Variants in LRAT observed in about 807,000 individuals in gnomAD.
LRAT encodes lecithin retinol acyltransferase.
LRAT carries 11 observed loss-of-function variants against 14.2 expected under a neutral mutation model. That is an observed-to-expected ratio of 0.78 (90% CI 0.49 to 1.29). The LOEUF is 1.29. Ranked by LOEUF, LRAT falls within the 50% of genes most tolerant of loss-of-function variation. LRAT has a pLI of 0.00. For synonymous variants in LRAT, 144 were observed against 124.8 expected, an observed-to-expected ratio of 1.15 and a Z score of -1.03; for missense variants, 274 against 292.4, an observed-to-expected ratio of 0.94 and a Z score of 0.46.
At chr4:154,742,420 C>T (rs1010581385), upstream of LRAT, among the ~76,000 whole-genome samples, 2 of 152,044 alleles carry the variant, frequency 1.3e-5, no homozygotes, top group African/African-American at 4.8e-5. Context: ...GCAGCAAAGG[C>T]CCGGCCTCCA....
At position 154,744,625 on chromosome 4, in the gene LRAT, G is replaced by A. The variant is rs1396648864; in HGVS notation, c.299G>A (p.Gly100Asp). The A allele has an allele frequency of 1.5e-5, 24 of 1,614,048 alleles. No individual in the cohort carries two copies. The highest frequency in any genetic ancestry group is 1.8e-5 in the Non-Finnish European group (21 of 1,180,048). Residue 100 changes from glycine to aspartate, a missense_variant, in exon 2 of 3, where the codon GGC becomes GAC. Gly to Asp is a moderately conservative substitution (Grantham distance 94). Coordinates refer to ENST00000336356, the MANE Select transcript of LRAT (RefSeq NM_004744.5). ...GTCTCCAACAAGCGTCTCATCCTGG[G>A]CGTTATTGTCAAAGTGGCCAGCATC... ...KVVSNKRLILGVIVKVASIRV... is the reference protein window; with the variant it reads ...KVVSNKRLILDVIVKVASIRV...
At chr4:154,742,785 CG>C (rs1560869336), upstream of LRAT, among the ~76,000 whole-genome samples, 1 of 151,984 alleles carries the variant, frequency 6.6e-6, no homozygotes, top group African/African-American at 2.4e-5. Context: ...TGCAGGCGCA[CG>C]GGCAAAGAAC....
rs1312666157 is a variant in LRAT, at chr4:154,749,202, T to C, written c.*66T>C. The C allele has an allele frequency of 1.3e-6, 2 of 1,515,316 alleles. No individual in the cohort carries two copies. The highest frequency in any genetic ancestry group is 1.8e-6 in the Non-Finnish European group (2 of 1,091,340). 93.9% of individuals were successfully genotyped at this position (1,515,316 alleles called of 1,614,324 possible). ...TATGTTTATATTTATAGAGCATCAA[T>C]CAATATAAGCATTATTGAGAAAAAT... On this transcript the variant is annotated 3_prime_UTR_variant, in exon 3 of 3. Transcript: ENST00000336356.
chr4:154,748,525 TA>T, intron 2 of LRAT: 2 of 397,430 alleles, frequency 5.0e-6, no homozygotes, highest in African/African-American at 2.2e-5. Context: ...TTGAGACTTA[TA>T]AAAAAGTTAT....
At chr4:154,744,245 TGCCCGGCGAGCTTAACTTGCCCA>T (rs1222945701) in intron 1 of LRAT, 23 bp downstream of exon 1, 9 of 1,450,098 alleles carry the variant, frequency 6.2e-6, no homozygotes, top group East Asian at 2.3e-5. Context: ...GCAGCACCCC[TGCCCGGCGAGCTTAACTTGCCCA>T]GCCCGGCCCC....
rs1733022959 is a variant in LRAT, at chr4:154,752,773, T to C, written c.*3637T>C. The C allele has an allele frequency of 6.6e-6, 1 of 152,224 alleles. No homozygotes were observed. Among genetic ancestry groups the C allele is most frequent in the African/African-American group, 2.4e-5 (1 of 41,456 alleles). 9.4% of individuals were successfully genotyped at this position (152,224 alleles called of 1,614,324 possible). ...AAAATAGATTAACTTGATGACTATG[T>C]GTATATTGGATACTCCTAATTTTAG... is the stretch of plus-strand genomic sequence containing the variant. On this transcript the variant is annotated 3_prime_UTR_variant, in exon 3 of 3. Coordinates refer to ENST00000336356, the MANE Select transcript of LRAT (RefSeq NM_004744.5).
rs1222136986 is a variant in LRAT at position 154,749,125 on chromosome 4, A to C, written c.682A>C (p.Met228Leu). Residue 228 changes from methionine to leucine, a missense_variant, in exon 3 of 3, where the codon ATG (methionine) becomes CTG (leucine). Met to Leu is a conservative substitution (Grantham distance 15, BLOSUM62 2). Transcript: ENST00000336356. ...AATTTTTATTCCATTCTTCCTATGG[A>C]TGGCTGGCTAACTTCATACCCCCAT... ...PAIFIPFFLW[M>L]AG is the part of the protein sequence containing the mutation. 6.2e-7 allele frequency: 1 copy of C among 1,613,628 alleles called. No individual in the cohort carries two copies. Among genetic ancestry groups the C allele is most frequent in the East Asian group, 2.2e-5 (1 of 44,856 alleles).
rs201300725 is a variant in LRAT, at chr4:154,744,734, G to C, written c.408G>C (p.Leu136=). Residue 136 remains leucine, a synonymous_variant, in exon 2 of 3, where the codon CTG becomes CTC. Transcript: ENST00000336356. The part of the protein sequence containing the change: ...HLDESLQKKA[L]LNEEVARRAE... ...ACGAGTCCCTCCAGAAAAAGGCACT[G>C]CTCAACGAGGAGGTGGCGCGGAGGG... 1 of 1,614,194 alleles carries C rather than the reference G, an allele frequency of 6.2e-7. No individual in the cohort carries two copies.
upstream of LRAT, among the ~76,000 whole-genome samples, chr4:154,741,664 C>T (rs182964259): frequency 6.6e-6 from 1 of 152,144 alleles, no homozygotes; most frequent in African/African-American, 2.4e-5. Context: ...TGGACCCCAC[C>T]GGGGGAAAAA....
rs760244398 is a variant in LRAT at position 154,751,733 on chromosome 4, CAAAAAAAAAAAAAAAAAAA to C, written c.*2610_*2628del. The C allele has an allele frequency of 4.2e-5, 1 of 23,842 alleles. No homozygotes were observed. The highest frequency in any genetic ancestry group is 1.3e-4 in the African/African-American group (1 of 7,742). 1.5% of individuals were successfully genotyped at this position (23,842 alleles called of 1,614,324 possible). ...TGGGCAACAAAGTGAGACTCCATCT[CAAAAAAAAAAAAAAAAAAA>C]AAAAAAAAAAAAGAAGAAGAAACCC... On this transcript the variant is annotated 3_prime_UTR_variant, in exon 3 of 3. Coordinates refer to ENST00000336356, the MANE Select transcript of LRAT (RefSeq NM_004744.5).
rs760244398 is a variant in LRAT, at chr4:154,751,733, C to CAAAAAAAAAAAA, written c.*2617_*2628dup. 1.7e-4 allele frequency: 4 copies of CAAAAAAAAAAAA among 23,850 alleles called. No individual in the cohort carries two copies. Among genetic ancestry groups the CAAAAAAAAAAAA allele is most frequent in the Non-Finnish European group, 1.6e-4 (2 of 12,626 alleles). 1.5% of individuals were successfully genotyped at this position (23,850 alleles called of 1,614,324 possible). ...TGGGCAACAAAGTGAGACTCCATCTCAAAAAAAAAAAAAAAAAAAAAAAAA... is the reference window on the plus strand; with the variant it reads ...TGGGCAACAAAGTGAGACTCCATCTCAAAAAAAAAAAAAAAAAAAAAAAAAAAAAAAAAAAAA... On this transcript the variant is annotated 3_prime_UTR_variant, in exon 3 of 3. Coordinates refer to ENST00000336356, the MANE Select transcript of LRAT (RefSeq NM_004744.5).
chr4:154,748,355 C>T, intron 2 of LRAT: 4 of 985,106 alleles, frequency 4.1e-6, no homozygotes, highest in Non-Finnish European at 4.8e-6. Context: ...CTAAGGAAAA[C>T]ATTACACATA....
chr4:154,741,862 C>T (rs1161601668), upstream of LRAT, among the ~76,000 whole-genome samples: 1 of 152,166 alleles, frequency 6.6e-6, no homozygotes, highest in Non-Finnish European at 1.5e-5. Flanking sequence ...ATTCTCCATG[C>T]TTTTGTCTCC....
intron 2 of LRAT, among the ~76,000 whole-genome samples, chr4:154,747,267 A>C (rs956688674): frequency 1.3e-5 from 2 of 152,228 alleles, no homozygotes; most frequent in African/African-American, 4.8e-5. Flanking sequence ...CAAGTTTAGA[A>C]GTCATAAAAT....
At chr4:154,741,271 C>T (rs1021964805), upstream of LRAT, among the ~76,000 whole-genome samples, 3 of 152,190 alleles carry the variant, frequency 2.0e-5, no homozygotes, top group Non-Finnish European at 2.9e-5. Context: ...GAAAAGCTGC[C>T]TAATCATCGC....
chr4:154,742,274 T>G (rs963205915), upstream of LRAT, among the ~76,000 whole-genome samples: 9 of 152,098 alleles, frequency 5.9e-5, no homozygotes, highest in Non-Finnish European at 1.3e-4. Context: ...TTCTCCAACT[T>G]CCTCTTTCGA....
At position 154,749,871 on chromosome 4, in the gene LRAT, T is replaced by C. The variant is rs1732955699; in HGVS notation, c.*735T>C. 6.6e-6 allele frequency: 1 copy of C among 152,300 alleles called. No homozygotes were observed. Among genetic ancestry groups the C allele is most frequent in the Non-Finnish European group, 1.5e-5 (1 of 68,122 alleles). 9.4% of individuals were successfully genotyped at this position (152,300 alleles called of 1,614,324 possible). ...TATGTGCCACTGTGGCTACTTTAAA[T>C]CACTCTGAGAGGTAAATGGATATAG... On this transcript the variant is annotated 3_prime_UTR_variant, in exon 3 of 3. Coordinates refer to ENST00000336356, the MANE Select transcript of LRAT (RefSeq NM_004744.5).
At position 154,744,689 on chromosome 4, in the gene LRAT, C is replaced by G; in HGVS notation, c.363C>G (p.Asn121Lys). 6.2e-7 allele frequency: 1 copy of G among 1,614,228 alleles called. No individual in the cohort carries two copies. The highest frequency in any genetic ancestry group is 8.5e-7 in the Non-Finnish European group (1 of 1,180,044). The change falls in exon 2 of 3, where the codon AAC becomes AAG. Residue 121 changes from asparagine (N) to lysine (K), a missense_variant. Coordinates refer to ENST00000336356, the MANE Select transcript of LRAT (RefSeq NM_004744.5). ...TGGAGGACTTCGCCTACGGAGCTAA[C>G]ATCCTGGTCAATCACCTGGACGAGT... ...DTVEDFAYGA[N>K]ILVNHLDESL...
rs886059180 is a variant in LRAT, at chr4:154,753,114, C to T, written c.*3978C>T. ...TGCATGTCAAATAAAGTTAATTTTA[C>T]ATACTATTCTCTCTTTAAATTTTAA... On this transcript the variant is annotated 3_prime_UTR_variant, in exon 3 of 3. Coordinates refer to ENST00000336356, the MANE Select transcript of LRAT (RefSeq NM_004744.5). 2.1e-4 allele frequency: 32 copies of T among 152,244 alleles called. No homozygotes were observed. Among genetic ancestry groups the T allele is most frequent in the African/African-American group, 7.2e-4 (30 of 41,558 alleles). The allele number at this position is 152,244 out of a possible 1,614,324, so 9.4% of individuals were successfully genotyped here. A position where few individuals can be genotyped will look rare whatever the true frequency, so the allele number is the denominator to read the frequency against.
Sources: gnomAD v4.1 joint callset for allele counts (sites outside exome capture counted in the v4.1 genomes callset) on GRCh38, gnomAD v4.1.1 for gene constraint, MANE v1.5 for transcripts, NCBI Gene and HGNC (gene_info 2026-07-23, HGNC 2026-07-21) for gene names.